The following LY96 variants were observed in gnomAD, a reference collection of about 807,000 sequenced individuals.
LY96 encodes myeloid differentiation protein-2.
In LY96, 18 loss-of-function variants were observed where a neutral mutation model predicts 18.9. The observed-to-expected ratio is 0.95, with a 90% CI of 0.66 to 1.41. LY96 has a LOEUF of 1.41. Among genes scored for constraint, LY96 ranks in the 40% most tolerant of loss-of-function variants. LY96 has a pLI of 0.00. For missense variants in LY96, 175 were observed against 182.4 expected (o/e 0.96, Z 0.23); for synonymous variants, 66 against 62.6 (o/e 1.06, Z -0.26).
chr8:74,017,013 C>T (rs936939914), intron 3 of LY96, among the ~76,000 whole-genome samples: 4 of 152,176 alleles, frequency 2.6e-5, no homozygotes, highest in Non-Finnish European at 2.9e-5. Context: ...GATCGCAGCT[C>T]CTCGCCAGCA....
the LY96 span, among the ~76,000 whole-genome samples, chr8:74,050,859 C>T: frequency 6.6e-6 from 1 of 152,062 alleles, no homozygotes; most frequent in African/African-American, 2.4e-5. Flanking sequence ...TCCGTCTCTA[C>T]TAAAAATACA....
At position 73,992,836 on chromosome 8, in the gene LY96, C is replaced by CTGTA. The variant is rs1458068284; in HGVS notation, c.112+1285_112+1286insATGT. Among the ~76,000 whole-genome samples, 106 of 141,884 alleles carry CTGTA rather than the reference C, an allele frequency of 7.5e-4. 2 individuals are homozygous for CTGTA. The South Asian group carries it at 0.012, about 16-fold the overall frequency. 93.1% of individuals were successfully genotyped at this position (141,884 alleles called of 152,430 possible). A position where few individuals can be genotyped will look rare whatever the true frequency, so the allele number is the denominator to read the frequency against. On this transcript the variant is annotated intron_variant, in intron 1 of 4. Transcript: ENST00000284818. ...TTTGTACCATGTGCTAATTATGCCACTGTGTGTGTGTGTGTGTGTGTGTGT... is the reference window on the plus strand; with the variant it reads ...TTTGTACCATGTGCTAATTATGCCACTGTATGTGTGTGTGTGTGTGTGTGTGTGT...
chr8:74,054,619 T>TC, the LY96 span, among the ~76,000 whole-genome samples: 3 of 76,260 alleles, frequency 3.9e-5, no homozygotes, highest in South Asian at 6.0e-4. Flanking sequence ...TCCTTTTCCT[T>TC]CTTTCTTTCT....
the LY96 span, among the ~76,000 whole-genome samples, chr8:74,036,336 T>C: frequency 6.6e-6 from 1 of 152,148 alleles, no homozygotes; most frequent in African/African-American, 2.4e-5. Flanking sequence ...TCAGGAGTAG[T>C]GGGGTCAGAG....
At chr8:74,062,734 A>G in the LY96 span, among the ~76,000 whole-genome samples, 1 of 152,108 alleles carries the variant, frequency 6.6e-6, no homozygotes, top group Non-Finnish European at 1.5e-5. Context: ...CAGTGGTCCT[A>G]TGTGGTATGT....
chr8:74,039,125 A>G, the LY96 span, among the ~76,000 whole-genome samples: 13 of 152,198 alleles, frequency 8.5e-5, no homozygotes, highest in Non-Finnish European at 1.9e-4. Flanking sequence ...CTGATGATCA[A>G]TGAAGTTGAA....
At chr8:74,007,836 T>C (rs534329558) in intron 2 of LY96, among the ~76,000 whole-genome samples, 2 of 152,232 alleles carry the variant, frequency 1.3e-5, no homozygotes, top group African/African-American at 2.4e-5. Context: ...CTCGGCGCAC[T>C]GCAGCCTTTG....
chr8:74,002,062 C>CTTT (rs1563710783), intron 1 of LY96, among the ~76,000 whole-genome samples: 12 of 29,316 alleles, frequency 4.1e-4, no homozygotes, highest in African/African-American at 9.5e-4. Flanking sequence ...TTCCTTCCTT[C>CTTT]CTTCCTTCCT....
At chr8:74,084,715 G>A in the LY96 span, among the ~76,000 whole-genome samples, 1 of 152,148 alleles carries the variant, frequency 6.6e-6, no homozygotes, top group African/African-American at 2.4e-5. Context: ...CCAGATTCAA[G>A]CGATTCTCCT....
the LY96 span, among the ~76,000 whole-genome samples, chr8:74,088,328 C>T: frequency 6.6e-6 from 1 of 152,198 alleles, no homozygotes; most frequent in African/African-American, 2.4e-5. Flanking sequence ...ATGGTTCTTA[C>T]TCCTTTTTCC....
the LY96 span, among the ~76,000 whole-genome samples, chr8:74,036,533 C>T: frequency 6.6e-6 from 1 of 152,140 alleles, no homozygotes; most frequent in East Asian, 1.9e-4. Context: ...CTCAACTGGT[C>T]CTGTGTCCCC....
chr8:74,040,051 C>A, the LY96 span, among the ~76,000 whole-genome samples: 1 of 152,168 alleles, frequency 6.6e-6, no homozygotes, highest in Non-Finnish European at 1.5e-5. Context: ...GGCCCTTATG[C>A]GGGCGTGACA....
the LY96 span, among the ~76,000 whole-genome samples, chr8:74,054,628 C>CTTT: frequency 9.8e-6 from 1 of 102,294 alleles, no homozygotes; most frequent in African/African-American, 4.0e-5. Context: ...TTCTTTCTTT[C>CTTT]TTTCTTTCTT....
At chr8:74,046,280 A>G in the LY96 span, among the ~76,000 whole-genome samples, 1 of 152,180 alleles carries the variant, frequency 6.6e-6, no homozygotes, top group South Asian at 2.1e-4. Context: ...CTCCTTCTCA[A>G]AAAAATAAGA....
the LY96 span, among the ~76,000 whole-genome samples, chr8:74,091,911 A>G: frequency 1.3e-5 from 2 of 152,172 alleles, no homozygotes; most frequent in African/African-American, 4.8e-5. Flanking sequence ...CGGCAAATGC[A>G]TGGTGTGTAG....
At chr8:74,045,724 A>T in the LY96 span, among the ~76,000 whole-genome samples, 1 of 152,138 alleles carries the variant, frequency 6.6e-6, no homozygotes, top group South Asian at 2.1e-4. Flanking sequence ...GGGAACCAGG[A>T]GACAGAGGGG....
At chr8:74,009,871 A>G (rs1816493990) in intron 2 of LY96, 130 bp from the exon 3 acceptor site, 1 of 692,876 alleles carries the variant, frequency 1.4e-6, no homozygotes, top group Non-Finnish European at 2.5e-6. Flanking sequence ...CATCTTGTAG[A>G]TAGTTGTGAT....
the LY96 span, among the ~76,000 whole-genome samples, chr8:74,069,575 A>AATTTATTT: frequency 4.0e-4 from 60 of 151,894 alleles, no homozygotes; most frequent in African/African-American, 1.4e-3. Context: ...GCAGCCAATC[A>AATTTATTT]ATTTATTTAT....
the LY96 span, among the ~76,000 whole-genome samples, chr8:74,088,482 C>T: frequency 1.3e-5 from 2 of 152,158 alleles, no homozygotes; most frequent in Non-Finnish European, 2.9e-5. Context: ...CCACATACCC[C>T]CAAGCATCCA....
Sources: allele counts gnomAD v4.1 joint callset (sites outside exome capture counted in the v4.1 genomes callset), GRCh38; gene constraint gnomAD v4.1.1; transcripts MANE v1.5; gene names NCBI Gene and HGNC (gene_info 2026-07-23, HGNC 2026-07-21).